The following SORCS1 variants were observed in gnomAD, a reference collection of about 807,000 sequenced individuals.
SORCS1 encodes the protein VPS10 domain-containing receptor SorCS1.
A neutral mutation model predicts 146.1 loss-of-function variants in SORCS1; 60 were observed. The ratio of observed to expected loss-of-function variants is 0.41; its 90% CI spans 0.33 to 0.51. SORCS1 has a LOEUF of 0.51. Among genes scored for constraint, SORCS1 ranks in the 20% least tolerant of loss-of-function variants. SORCS1 has a pLI of 0.21. For missense variants in SORCS1, 1,352 were observed against 1,487.6 expected, an observed-to-expected ratio of 0.91 and a Z score of 1.50; for synonymous variants, 637 against 584.0, an observed-to-expected ratio of 1.09 and a Z score of -1.31.
chr10:107,021,337 C>T (rs1958121263), intron 1 of SORCS1, among the ~76,000 whole-genome samples: 2 of 151,520 alleles, frequency 1.3e-5, no homozygotes, highest in Non-Finnish European at 1.5e-5. Flanking sequence ...ATGGTGAAAC[C>T]CCGTCTCTAC....
intron 1 of SORCS1, among the ~76,000 whole-genome samples, chr10:106,972,380 CAAA>C (rs35202189): frequency 0.078 from 7,300 of 94,056 alleles, 560 homozygotes; most frequent in African/African-American, 0.25. Flanking sequence ...GACTCTGTCT[CAAA>C]AAAAAAAAAA....
chr10:106,739,476 G>A (rs1408279494), intron 5 of SORCS1, among the ~76,000 whole-genome samples: 2 of 145,116 alleles, frequency 1.4e-5, no homozygotes. Flanking sequence ...CAGAGAGAGA[G>A]AGACTGTCTC....
intron 6 of SORCS1, among the ~76,000 whole-genome samples, chr10:106,710,485 A>C (rs1008065631): frequency 6.6e-6 from 1 of 151,732 alleles, no homozygotes; most frequent in East Asian, 1.9e-4. Flanking sequence ...TTGAGTTAAG[A>C]CTTTGCTTTT....
chr10:106,583,510 G>A (rs1453505014), intron 24 of SORCS1, among the ~76,000 whole-genome samples: 1 of 146,208 alleles, frequency 6.8e-6, no homozygotes, highest in Non-Finnish European at 1.6e-5. Flanking sequence ...TTTTCGTTTT[G>A]TTTTGTTTTG....
At chr10:106,971,896 TCTC>T (rs576744062) in intron 1 of SORCS1, among the ~76,000 whole-genome samples, 188 of 152,218 alleles carry the variant, frequency 1.2e-3, no homozygotes, top group African/African-American at 4.3e-3. Flanking sequence ...ACTCTCAAAA[TCTC>T]TTCTTCTGTG....
chr10:107,018,419 C>T (rs2139818764), intron 1 of SORCS1, among the ~76,000 whole-genome samples: 1 of 151,976 alleles, frequency 6.6e-6, no homozygotes, highest in East Asian at 1.9e-4. Context: ...ATCTCCTTAC[C>T]TCGTGATCCA....
chr10:106,708,302 G>A (rs550046530), intron 7 of SORCS1, among the ~76,000 whole-genome samples: 4 of 152,058 alleles, frequency 2.6e-5, no homozygotes, highest in Admixed American at 2.6e-4. Context: ...CATTTTATAA[G>A]TACACAGGGT....
intron 18 of SORCS1, among the ~76,000 whole-genome samples, chr10:106,641,001 GTTC>G (rs202002544): frequency 0.024 from 3,675 of 152,278 alleles, 86 homozygotes; most frequent in Middle Eastern, 0.044. Context: ...GTGCATGTGT[GTTC>G]TTCTTGCATC....
chr10:107,121,871 G>A, intron 1 of SORCS1, among the ~76,000 whole-genome samples: 1 of 152,036 alleles, frequency 6.6e-6, no homozygotes, highest in Middle Eastern at 3.2e-3. Flanking sequence ...GGCTATCAAA[G>A]GAAACCAATA....
chr10:106,734,541 A>G (rs918984573), intron 5 of SORCS1, among the ~76,000 whole-genome samples: 22 of 152,324 alleles, frequency 1.4e-4, no homozygotes, highest in Non-Finnish European at 2.8e-4. Flanking sequence ...CATGCCACAG[A>G]TAGATTAGCA....
intron 18 of SORCS1, among the ~76,000 whole-genome samples, chr10:106,638,080 G>T (rs1848834624): frequency 6.6e-6 from 1 of 152,138 alleles, no homozygotes; most frequent in African/African-American, 2.4e-5. Context: ...TTGACCCATT[G>T]CACTTTGGAA....
chr10:106,865,305 G>A (rs956091461), intron 2 of SORCS1, among the ~76,000 whole-genome samples: 2 of 152,250 alleles, frequency 1.3e-5, no homozygotes, highest in African/African-American at 4.8e-5. Context: ...CCCAGAGGGA[G>A]GGGCAGGCAG....
intron 5 of SORCS1, among the ~76,000 whole-genome samples, chr10:106,734,243 G>C (rs1856798822): frequency 6.6e-6 from 1 of 152,180 alleles, no homozygotes; most frequent in South Asian, 2.1e-4. Context: ...GGGAAAGGGA[G>C]TCTTTCTGTG....
intron 2 of SORCS1, among the ~76,000 whole-genome samples, chr10:106,852,627 C>CAAAAA (rs370300215): frequency 4.7e-5 from 4 of 84,960 alleles, no homozygotes; most frequent in African/African-American, 1.3e-4. Flanking sequence ...GACCCTGTCT[C>CAAAAA]AAAAAAAAAA....
chr10:106,715,568 C>T (rs1855304246), intron 6 of SORCS1, among the ~76,000 whole-genome samples: 1 of 152,180 alleles, frequency 6.6e-6, no homozygotes, highest in Admixed American at 6.5e-5. Context: ...TCCATCTAGC[C>T]AGAAGTTATG....
chr10:107,065,769 C>G (rs973016888), intron 1 of SORCS1, among the ~76,000 whole-genome samples: 2 of 152,098 alleles, frequency 1.3e-5, no homozygotes, highest in Non-Finnish European at 2.9e-5. Flanking sequence ...TCACTGGCCT[C>G]CGCCTCCCAA....
chr10:107,126,297 A>T (rs552177494), intron 1 of SORCS1, among the ~76,000 whole-genome samples: 1 of 152,292 alleles, frequency 6.6e-6, no homozygotes, highest in South Asian at 2.1e-4. Flanking sequence ...ACAAGTAAAC[A>T]CTTAGATCAC....
chr10:106,945,984 G>A (rs963051670), intron 2 of SORCS1, among the ~76,000 whole-genome samples: 1 of 152,220 alleles, frequency 6.6e-6, no homozygotes, highest in Non-Finnish European at 1.5e-5. Context: ...CTAGAGCTCT[G>A]TGGAAATAAC....
chr10:106,617,035 G>A (rs1197616543), intron 21 of SORCS1, among the ~76,000 whole-genome samples: 2 of 151,128 alleles, frequency 1.3e-5, no homozygotes, highest in East Asian at 3.9e-4. Flanking sequence ...GTTCAGTGCA[G>A]CCTCTGCCTC....
Sources: gnomAD v4.1 joint callset for allele counts (sites outside exome capture counted in the v4.1 genomes callset) on GRCh38, gnomAD v4.1.1 for gene constraint, MANE v1.5 for transcripts, NCBI Gene and HGNC (gene_info 2026-07-23, HGNC 2026-07-21) for gene names.